The following WDR70 variants were observed in gnomAD, a reference collection of about 807,000 sequenced individuals.
WDR70 encodes WD repeat domain 70.
Under a neutral mutation model 88.6 loss-of-function variants are expected in WDR70, and 53 were observed. The observed-to-expected ratio is 0.60, with a 90% CI of 0.48 to 0.75. WDR70 has a LOEUF of 0.75. WDR70 is among the 30% of genes least tolerant of loss of function. WDR70 has a pLI of 0.00. For missense variants in WDR70, 610 were observed against 823.2 expected (o/e 0.74, Z 3.17); for synonymous variants, 280 against 270.0 (o/e 1.04, Z -0.36).
At chr5:37,405,241 A>G (rs1201771494) in intron 5 of WDR70, among the ~76,000 whole-genome samples, 3 of 152,202 alleles carry the variant, frequency 2.0e-5, no homozygotes, top group Non-Finnish European at 4.4e-5. Context: ...AAAACTGAAT[A>G]GACAGTATGA....
At chr5:37,509,658 T>G (rs560970851) in intron 8 of WDR70, among the ~76,000 whole-genome samples, 1 of 152,330 alleles carries the variant, frequency 6.6e-6, no homozygotes, top group South Asian at 2.1e-4. Context: ...CAACACTTAG[T>G]GCTGCTCTCT....
chr5:37,562,578 A>T (rs1270721944), intron 9 of WDR70, among the ~76,000 whole-genome samples: 2 of 152,004 alleles, frequency 1.3e-5, no homozygotes, highest in Non-Finnish European at 2.9e-5. Flanking sequence ...TAGGCAGAGG[A>T]CCCTGCGGCC....
At chr5:37,533,377 A>C (rs1025256865) in intron 9 of WDR70, among the ~76,000 whole-genome samples, 1 of 152,078 alleles carries the variant, frequency 6.6e-6, no homozygotes, top group Non-Finnish European at 1.5e-5. Flanking sequence ...GTATCACTTG[A>C]GGTCAGGAGT....
chr5:37,699,393 A>G (rs1022045121), intron 11 of WDR70, among the ~76,000 whole-genome samples: 15 of 10,084 alleles, frequency 1.5e-3, no homozygotes, highest in East Asian at 4.2e-3. Context: ...GTATGTGTGT[A>G]TATATATATA....
chr5:37,487,627 A>ATTTTTTTTTTTTTTTTTTTTTTTT (rs70978825), intron 8 of WDR70, among the ~76,000 whole-genome samples: 1 of 69,070 alleles, frequency 1.4e-5, no homozygotes, highest in African/African-American at 5.0e-5. Flanking sequence ...ATATATATGT[A>ATTTTTTTTTTTTTTTTTTTTTTTT]TTTTTTTTTT....
intron 9 of WDR70, among the ~76,000 whole-genome samples, chr5:37,555,629 C>G (rs970679291): frequency 6.6e-6 from 1 of 152,202 alleles, no homozygotes; most frequent in African/African-American, 2.4e-5. Context: ...CCTAAAACTT[C>G]ACCTTTTCCC....
Position 37,479,874 on chromosome 5 carries a change from A to G in WDR70, c.727A>G (p.Met243Val), listed in dbSNP as rs1739609313. Residue 243 changes from methionine to valine, a missense_variant, in exon 8 of 18, where the codon ATG becomes GTG. Met to Val is a conservative substitution (Grantham distance 21). Coordinates refer to ENST00000265107, the MANE Select transcript of WDR70 (RefSeq NM_018034.4). Reference sequence around the variant, plus strand: ...ATTACAGTATAGTAACACAGGAGACATGATTCTTGTTGTATCTGGAAGCTC... The same window carrying G: ...ATTACAGTATAGTAACACAGGAGACGTGATTCTTGTTGTATCTGGAAGCTC... ...KSLQYSNTGD[M>V]ILVVSGSSQA... 3 of 1,614,026 alleles carry G rather than the reference A, an allele frequency of 1.9e-6. No homozygotes were observed. Among genetic ancestry groups the G allele is most frequent in the African/African-American group, 2.7e-5 (2 of 74,938 alleles).
At chr5:37,593,499 A>G (rs1200178672) in intron 9 of WDR70, among the ~76,000 whole-genome samples, 1 of 152,226 alleles carries the variant, frequency 6.6e-6, no homozygotes, top group Non-Finnish European at 1.5e-5. Flanking sequence ...TTATGGCTGC[A>G]TAGTATTCCA....
Position 37,705,606 on chromosome 5 carries a change from C to G in WDR70, c.1416+2519C>G, listed in dbSNP as rs1022152162. ...ATGGGGCTTTTAACAGTCCGTTTGA[C>G]CTATTGTCCCAAGTTTTACGTCTTC... On this transcript the variant is annotated intron_variant, in intron 13 of 17. Transcript: ENST00000265107. Among the ~76,000 whole-genome samples the G allele has an allele frequency of 4.0e-5, 6 of 151,818 alleles. No individual in the cohort carries two copies. The East Asian group carries it at 1.2e-3, about 29-fold the overall frequency.
chr5:37,472,861 GT>G (rs1220717828), intron 7 of WDR70, among the ~76,000 whole-genome samples: 1 of 152,004 alleles, frequency 6.6e-6, no homozygotes, highest in African/African-American at 2.4e-5. Context: ...TGCTTTGAAC[GT>G]TTTTGTATGA....
intron 17 of WDR70, among the ~76,000 whole-genome samples, chr5:37,750,093 T>A (rs10079573): frequency 0.96 from 146,638 of 152,280 alleles, 70,871 homozygotes; most frequent in East Asian, 1. Context: ...TCACCATTTC[T>A]GTCAAGATTA....
intron 8 of WDR70, among the ~76,000 whole-genome samples, chr5:37,504,359 C>T (rs568622776): frequency 2.3e-4 from 35 of 151,530 alleles, no homozygotes; most frequent in East Asian, 8.6e-4. Flanking sequence ...CCCTTTTCAA[C>T]GCTTTATATC....
intron 8 of WDR70, among the ~76,000 whole-genome samples, chr5:37,486,053 AG>A (rs1344000591): frequency 6.6e-6 from 1 of 151,868 alleles, no homozygotes; most frequent in Non-Finnish European, 1.5e-5. Context: ...CAACAAAAGT[AG>A]GTGTTGGTAA....
intron 10 of WDR70, among the ~76,000 whole-genome samples, chr5:37,622,063 G>C (rs910580187): frequency 4.6e-5 from 7 of 152,082 alleles, no homozygotes; most frequent in East Asian, 1.9e-4. Flanking sequence ...ATTTCTGCGG[G>C]CTCTGTTCTG....
chr5:37,686,190 G>GC (rs55711879), intron 10 of WDR70, among the ~76,000 whole-genome samples: 150,501 of 152,042 alleles, frequency 0.99, 74,503 homozygotes, highest in East Asian at 1. Flanking sequence ...GGTGGCTTGT[G>GC]TTGTAGTCAC....
chr5:37,599,571 G>C (rs1196467854), intron 9 of WDR70, among the ~76,000 whole-genome samples: 1 of 152,160 alleles, frequency 6.6e-6, no homozygotes, highest in East Asian at 1.9e-4. Context: ...AAATGATGCT[G>C]GGATAACTGG....
chr5:37,748,563 T>G (rs952351487), intron 17 of WDR70, among the ~76,000 whole-genome samples: 11 of 152,166 alleles, frequency 7.2e-5, no homozygotes, highest in Non-Finnish European at 1.2e-4. Flanking sequence ...GGGCAAAGAC[T>G]TCATGACAAA....
chr5:37,507,268 T>C (rs1484363495), intron 8 of WDR70, among the ~76,000 whole-genome samples: 2 of 152,202 alleles, frequency 1.3e-5, no homozygotes, highest in African/African-American at 4.8e-5. Context: ...ATGGGGTACA[T>C]GTGATATTTT....
intron 7 of WDR70, among the ~76,000 whole-genome samples, chr5:37,457,361 G>T (rs1378773063): frequency 6.6e-6 from 1 of 152,182 alleles, no homozygotes; most frequent in African/African-American, 2.4e-5. Flanking sequence ...CTCCCAAAGT[G>T]CTGGGATTAC....
Sources: gnomAD v4.1 joint callset for allele counts (sites outside exome capture counted in the v4.1 genomes callset) on GRCh38, gnomAD v4.1.1 for gene constraint, MANE v1.5 for transcripts, NCBI Gene and HGNC (gene_info 2026-07-23, HGNC 2026-07-21) for gene names.